WSB2: variants seen among roughly 807,000 people sequenced by gnomAD.
WSB2 encodes WD repeat and SOCS box-containing protein 2.
Under a neutral mutation model 48.8 loss-of-function variants are expected in WSB2, and 12 were observed. That is an observed-to-expected ratio of 0.25 (90% CI 0.16 to 0.40). The LOEUF is 0.40. Among genes scored for constraint, WSB2 ranks in the 10% least tolerant of loss-of-function variants. The pLI is 1.00. For missense variants in WSB2, 317 were observed against 506.2 expected (o/e 0.63, Z 3.59); for synonymous variants, 191 against 203.1 (o/e 0.94, Z 0.51).
At position 118,035,343 on chromosome 12, in the gene WSB2, G is replaced by A. The variant is rs1168449257; in HGVS notation, c.834-19C>T. The stretch of plus-strand genomic sequence containing the variant: ...GGTGTGGCTGGGAAGGAAAGAAACA[G>A]GATGGCAGGCCTGGAGTGATGGCTG... On this transcript the variant is annotated intron_variant, in intron 6 of 8. Coordinates refer to ENST00000315436, the MANE Select transcript of WSB2 (RefSeq NM_018639.5). 3 of 1,610,306 alleles carry A rather than the reference G, an allele frequency of 1.9e-6. No individual in the cohort carries two copies. Among genetic ancestry groups the A allele is most frequent in the Non-Finnish European group, 2.5e-6 (3 of 1,177,286 alleles).
chr12:118,035,558 T>C (rs2031492920), intron 6 of WSB2: 1 of 494,712 alleles, frequency 2.0e-6, no homozygotes, highest in African/African-American at 1.9e-5. Context: ...CTAATTTGCT[T>C]ATGCAAAGTA....
rs116319493 is a variant in WSB2, at chr12:118,041,620, C to A, written c.559+1221G>T. On this transcript the variant is annotated intron_variant, in intron 4 of 8. Transcript: ENST00000315436. ...CTCTTCATGACCCTCCTTCCAATCC[C>A]TCCAGCCCCTGATCCTCTTCATGAC... Among the ~76,000 whole-genome samples, 376 of 152,158 alleles carry A rather than the reference C, an allele frequency of 2.5e-3. 6 individuals are homozygous for A. The highest frequency in any genetic ancestry group is 8.2e-3 in the African/African-American group (341 of 41,522).
At position 118,043,176 on chromosome 12, in the gene WSB2, C is replaced by T. The variant is rs779713610; in HGVS notation, c.384G>A (p.Thr128=). The change falls in exon 3 of 9, where the codon ACG becomes ACA. Residue 128 remains threonine, a synonymous_variant. Coordinates refer to ENST00000315436, the MANE Select transcript of WSB2 (RefSeq NM_018639.5). ...TCTTGATCTGCCCATCGTTGAGTCC[C>T]GTAGCAAGAACCAGGCAAGAGACAT... ...VPDVSCLVLA[T]GLNDGQIKIW... The T allele has an allele frequency of 1.1e-5, 17 of 1,614,094 alleles. No homozygotes were observed. The highest frequency in any genetic ancestry group is 8.0e-5 in the African/African-American group (6 of 74,936).
rs148974093 is a variant in WSB2 at position 118,038,463 on chromosome 12, T to A, written c.560-75A>T. 753 of 1,425,660 alleles carry A rather than the reference T, an allele frequency of 5.3e-4. 1 individual carries two copies. In the African/African-American group the frequency reaches 9.4e-3, roughly 18 times the overall value. 88.3% of individuals were successfully genotyped at this position (1,425,660 alleles called of 1,614,324 possible). On this transcript the variant is annotated intron_variant, in intron 4 of 8. Transcript: ENST00000315436. ...AGACTGGAGAACGGGAGAACTGGGG[T>A]GGTAACAGCCCCCAGCCCAGTATAC...
chr12:118,036,523 A>G lies in WSB2; in HGVS notation c.661-13T>C, dbSNP rs754604628. The G allele has an allele frequency of 1.9e-6, 3 of 1,605,212 alleles. No individual in the cohort carries two copies. In the African/African-American group the frequency reaches 4.0e-5, roughly 21 times the overall value. On this transcript the variant is annotated splice_polypyrimidine_tract_variant and intron_variant, in intron 5 of 8. Coordinates refer to ENST00000315436, the MANE Select transcript of WSB2 (RefSeq NM_018639.5). ...TCCATAGAAAGACCTGTGGAAAGTA[A>G]GAAGTGCCTGGTTAGGGCAGAAGCA...
chr12:118,056,667 G>A (rs1458178512), intron 1 of WSB2, among the ~76,000 whole-genome samples: 9 of 152,300 alleles, frequency 5.9e-5, no homozygotes, highest in Admixed American at 2.6e-4. Context: ...TTGGGAGGCC[G>A]AGGCAGGCAG....
intron 1 of WSB2, among the ~76,000 whole-genome samples, chr12:118,054,757 CTTG>C (rs1196008843): frequency 6.7e-6 from 1 of 150,250 alleles, no homozygotes; most frequent in Non-Finnish European, 1.5e-5. Flanking sequence ...ATAGGTATAT[CTTG>C]TTATATAAAA....
intron 1 of WSB2, among the ~76,000 whole-genome samples, chr12:118,053,553 A>G (rs2031895817): frequency 6.6e-6 from 1 of 152,022 alleles, no homozygotes; most frequent in Admixed American, 6.6e-5. Context: ...TCCAACACCC[A>G]GATCATTTTG....
intron 6 of WSB2, chr12:118,036,075 G>A (rs973509985): frequency 3.4e-5 from 9 of 262,332 alleles, no homozygotes; most frequent in Middle Eastern, 1.3e-3. Context: ...GGTGGCGCAC[G>A]CTTGTAGTCC....
chr12:118,037,667 T>TA (rs752087366), intron 5 of WSB2, among the ~76,000 whole-genome samples: 15,686 of 123,384 alleles, frequency 0.13, 1,049 homozygotes, highest in Non-Finnish European at 0.17. Context: ...AAACTCTGTC[T>TA]AAAAAAAAAA....
At chr12:118,054,259 C>T (rs556983091) in intron 1 of WSB2, among the ~76,000 whole-genome samples, 164 of 147,920 alleles carry the variant, frequency 1.1e-3, no homozygotes, top group Non-Finnish European at 2.2e-3. Flanking sequence ...GACATGGTGG[C>T]GGGCACCTGC....
intron 1 of WSB2, among the ~76,000 whole-genome samples, chr12:118,056,957 T>C (rs114259095): frequency 2.6e-5 from 4 of 152,252 alleles, no homozygotes; most frequent in African/African-American, 7.2e-5. Flanking sequence ...ATGCCAAACA[T>C]TTCACATGAA....
intron 2 of WSB2, among the ~76,000 whole-genome samples, chr12:118,045,701 A>G (rs1245595026): frequency 1.3e-5 from 2 of 150,768 alleles, no homozygotes; most frequent in East Asian, 3.9e-4. Flanking sequence ...ACAGAGTCAG[A>G]CACTGTCTCA....
At chr12:118,058,173 G>A (rs1312146882) in intron 1 of WSB2, among the ~76,000 whole-genome samples, 2 of 152,076 alleles carry the variant, frequency 1.3e-5, no homozygotes, top group African/African-American at 2.4e-5. Context: ...TATGACCCCA[G>A]CCAGCAGGAA....
At chr12:118,049,243 C>G (rs2031803178) in intron 2 of WSB2, among the ~76,000 whole-genome samples, 1 of 152,140 alleles carries the variant, frequency 6.6e-6, no homozygotes, top group South Asian at 2.1e-4. Context: ...TGATTAAAAA[C>G]ACATAACAAA....
In WSB2 at chr12:118,044,793, G is replaced by C. The variant is rs375019408; in HGVS notation, c.183-1416C>G. The stretch of plus-strand genomic sequence containing the variant: ...TGAAAACATGAAGCTTACTGTTTGC[G>C]GTACACAGCACAAAGGTCTCCATGT... On this transcript the variant is annotated intron_variant, in intron 2 of 8. Transcript: ENST00000315436. 5.4e-4 allele frequency among the ~76,000 whole-genome samples: 82 copies of C among 152,180 alleles called. 2 individuals are homozygous for C. In the South Asian group the frequency reaches 0.016, roughly 30 times the overall value.
chr12:118,055,777 G>C (rs2031946426), intron 1 of WSB2, among the ~76,000 whole-genome samples: 1 of 151,584 alleles, frequency 6.6e-6, no homozygotes, highest in African/African-American at 2.4e-5. Flanking sequence ...ACCACACCCA[G>C]CTAATTTTTG....
chr12:118,035,588 G>C (rs1421026853), intron 6 of WSB2: 1 of 403,892 alleles, frequency 2.5e-6, no homozygotes, highest in Non-Finnish European at 4.5e-6. Flanking sequence ...TCACTTTAAT[G>C]CCACAGTAGA....
chr12:118,037,084 A>G (rs193203845), intron 5 of WSB2, among the ~76,000 whole-genome samples: 1 of 152,284 alleles, frequency 6.6e-6, no homozygotes, highest in East Asian at 1.9e-4. Context: ...TGGGAGGTTG[A>G]GGCAGAAGAA....
Sources: gnomAD v4.1 joint callset for allele counts (sites outside exome capture counted in the v4.1 genomes callset) on GRCh38, gnomAD v4.1.1 for gene constraint, MANE v1.5 for transcripts, NCBI Gene and HGNC (gene_info 2026-07-23, HGNC 2026-07-21) for gene names.